The following CTNND2 variants were observed in gnomAD, a reference collection of about 807,000 sequenced individuals.
CTNND2 encodes the protein catenin delta 2, also known as catenin delta-2.
A neutral mutation model predicts 144.4 loss-of-function variants in CTNND2; 22 were observed. That is an observed-to-expected ratio of 0.15 (90% CI 0.11 to 0.22). The LOEUF is 0.22. CTNND2 is among the 10% of genes least tolerant of loss of function. The probability of loss-of-function intolerance (pLI) is 1.00; values close to 1 mark genes in which losing one functional copy is unlikely to be tolerated. For synonymous variants in CTNND2, 751 were observed against 695.6 expected (o/e 1.08, Z -1.25); for missense variants, 1,353 against 1,618.8 (o/e 0.84, Z 2.82).
At chr5:11,015,059 T>G (rs768017287) in intron 18 of CTNND2, among the ~76,000 whole-genome samples, 1 of 152,214 alleles carries the variant, frequency 6.6e-6, no homozygotes, top group Non-Finnish European at 1.5e-5. Context: ...TATCTTATGT[T>G]TTCCTTTGGA....
intron 2 of CTNND2, among the ~76,000 whole-genome samples, chr5:11,717,790 ACC>A (rs1284507840): frequency 1.3e-5 from 2 of 152,056 alleles, no homozygotes; most frequent in South Asian, 4.2e-4. Context: ...CTTATTTACT[ACC>A]ATGGGAACAG....
At chr5:11,266,099 T>C (rs1035466809) in intron 9 of CTNND2, among the ~76,000 whole-genome samples, 1 of 152,182 alleles carries the variant, frequency 6.6e-6, no homozygotes, top group African/African-American at 2.4e-5. Flanking sequence ...TAACAGAATT[T>C]AGAGATCTTT....
intron 3 of CTNND2, among the ~76,000 whole-genome samples, chr5:11,440,757 G>T (rs79401118): frequency 0.081 from 12,255 of 152,144 alleles, 1,500 homozygotes; most frequent in African/African-American, 0.27. Flanking sequence ...TTTTATGTTG[G>T]AAAAATCTAA....
intron 1 of CTNND2, among the ~76,000 whole-genome samples, chr5:11,853,851 TCTC>T (rs1795129851): frequency 6.6e-6 from 1 of 152,190 alleles, no homozygotes; most frequent in African/African-American, 2.4e-5. Context: ...TCCATTGTTC[TCTC>T]CTCCTCGTCT....
chr5:11,307,101 A>C lies in CTNND2; in HGVS notation c.1628+39271T>G, dbSNP rs576244115. ...CTACTTTGCTCAAAGTGTGATCCCA[A>C]AGCCTTTTTTTTTTTCTGAATTACC... On this transcript the variant is annotated intron_variant, in intron 9 of 21. Transcript: ENST00000304623. Among the ~76,000 whole-genome samples, 7 of 148,638 alleles carry C rather than the reference A, an allele frequency of 4.7e-5. 1 individual carries two copies. The East Asian group carries it at 1.4e-3, about 29-fold the overall frequency.
chr5:11,470,978 ATATTTTTTTT>A (rs1488215716), intron 3 of CTNND2, among the ~76,000 whole-genome samples: 2 of 95,808 alleles, frequency 2.1e-5, no homozygotes, highest in South Asian at 3.4e-4. Context: ...ATATATATAT[ATATTTTTTTT>A]TTTTTTTTAG....
At chr5:11,028,238 C>T (rs533141040) in intron 16 of CTNND2, among the ~76,000 whole-genome samples, 125 of 152,218 alleles carry the variant, frequency 8.2e-4, no homozygotes, top group African/African-American at 2.8e-3. Flanking sequence ...AGAGCAACCC[C>T]GGATGAGAAA....
At chr5:11,402,545 C>T (rs1056397769) in intron 5 of CTNND2, among the ~76,000 whole-genome samples, 1 of 152,118 alleles carries the variant, frequency 6.6e-6, no homozygotes, top group Admixed American at 6.5e-5. Context: ...AAGAACTTGC[C>T]CATTTACAAA....
At chr5:11,340,006 G>C (rs1319351472) in intron 9 of CTNND2, among the ~76,000 whole-genome samples, 1 of 152,194 alleles carries the variant, frequency 6.6e-6, no homozygotes, top group African/African-American at 2.4e-5. Context: ...ACTTTGTCCT[G>C]ATTTGGGTGG....
intron 10 of CTNND2, among the ~76,000 whole-genome samples, chr5:11,235,905 A>T (rs1403904895): frequency 6.6e-6 from 1 of 152,036 alleles, no homozygotes; most frequent in Non-Finnish European, 1.5e-5. Flanking sequence ...ACTAATTTAG[A>T]CTCATCCTCA....
chr5:11,600,461 T>C (rs150276722), intron 2 of CTNND2, among the ~76,000 whole-genome samples: 1,523 of 152,090 alleles, frequency 0.01, 13 homozygotes, highest in East Asian at 0.028. Context: ...ATCCCAGCAC[T>C]TTGGGAGCCT....
chr5:11,583,718 A>C (rs1395415793), intron 2 of CTNND2, among the ~76,000 whole-genome samples: 6 of 152,364 alleles, frequency 3.9e-5, no homozygotes, highest in South Asian at 2.1e-4. Context: ...TCAGGTTTAT[A>C]AATTTTTAAA....
At chr5:11,710,202 C>G (rs567414018) in intron 2 of CTNND2, among the ~76,000 whole-genome samples, 1 of 152,252 alleles carries the variant, frequency 6.6e-6, no homozygotes, top group East Asian at 1.9e-4. Flanking sequence ...GGATTTTGAC[C>G]TGCTTCCCTT....
chr5:11,656,289 C>G (rs1467337467), intron 2 of CTNND2, among the ~76,000 whole-genome samples: 2 of 151,870 alleles, frequency 1.3e-5, no homozygotes, highest in Non-Finnish European at 2.9e-5. Context: ...TGAAATGTTA[C>G]CCTTTGCAAT....
rs115276334 is a variant in CTNND2, at chr5:11,375,437, C to T, written c.1177+9228G>A. ...AACATAATATTCAGCATATATAAAA[C>T]GAGTTGGAGAAGAGAGGAATTCTGT... is the stretch of plus-strand genomic sequence containing the variant. On this transcript the variant is annotated intron_variant, in intron 7 of 21. Transcript: ENST00000304623. 2.6e-3 allele frequency among the ~76,000 whole-genome samples: 397 copies of T among 152,068 alleles called. 1 individual carries two copies. Among genetic ancestry groups the T allele is most frequent in the African/African-American group, 8.9e-3 (371 of 41,484 alleles).
intron 9 of CTNND2, among the ~76,000 whole-genome samples, chr5:11,325,840 C>A (rs1752469962): frequency 6.6e-6 from 1 of 151,710 alleles, no homozygotes; most frequent in Non-Finnish European, 1.5e-5. Context: ...AAGCAACTGG[C>A]CAGCATTCCT....
intron 12 of CTNND2, among the ~76,000 whole-genome samples, chr5:11,124,415 T>C (rs2149705579): frequency 6.6e-6 from 1 of 152,316 alleles, no homozygotes; most frequent in East Asian, 1.9e-4. Context: ...AGTGTGAGAA[T>C]GGGAAATTAT....
At chr5:11,576,101 A>G (rs1777952585) in intron 2 of CTNND2, among the ~76,000 whole-genome samples, 1 of 152,142 alleles carries the variant, frequency 6.6e-6, no homozygotes, top group African/African-American at 2.4e-5. Flanking sequence ...CCAGACATAC[A>G]TAACAAATCA....
intron 9 of CTNND2, among the ~76,000 whole-genome samples, chr5:11,344,749 T>C (rs1262798293): frequency 2.0e-5 from 3 of 152,028 alleles, no homozygotes; most frequent in African/African-American, 7.2e-5. Flanking sequence ...TAAATATAAG[T>C]GACATAATCC....
Sources: allele counts gnomAD v4.1 joint callset (sites outside exome capture counted in the v4.1 genomes callset), GRCh38; gene constraint gnomAD v4.1.1; transcripts MANE v1.5; gene names NCBI Gene and HGNC (gene_info 2026-07-23, HGNC 2026-07-21).